Variants in ABCC5 observed in about 807,000 individuals in gnomAD.
ABCC5 encodes the protein ATP-binding cassette sub-family C member 5.
Under a neutral mutation model 160.9 loss-of-function variants are expected in ABCC5, and 61 were observed. The observed-to-expected ratio is 0.38, with a 90% confidence interval of 0.31 to 0.47. The LOEUF is 0.47. Among genes scored for constraint, ABCC5 ranks in the 20% least tolerant of loss-of-function variants. The pLI is 0.99. For synonymous variants in ABCC5, 666 were observed against 700.6 expected, an observed-to-expected ratio of 0.95 and a Z score of 0.78; for missense variants, 1,308 against 1,813.3, an observed-to-expected ratio of 0.72 and a Z score of 5.06.
chr3:183,980,770 T>C (rs1718655374), intron 8 of ABCC5, among the ~76,000 whole-genome samples: 1 of 151,326 alleles, frequency 6.6e-6, no homozygotes, highest in African/African-American at 2.4e-5. Context: ...TGGAGTGTAA[T>C]GGTGTGATCT....
At chr3:183,992,654 T>C (rs1719874193) in intron 2 of ABCC5, among the ~76,000 whole-genome samples, 1 of 152,008 alleles carries the variant, frequency 6.6e-6, no homozygotes, top group South Asian at 2.1e-4. Flanking sequence ...CTGGGCGCCA[T>C]GGCAGGCACC....
intron 28 of ABCC5, among the ~76,000 whole-genome samples, chr3:183,926,826 C>T (rs368199380): frequency 3.3e-5 from 5 of 152,208 alleles, no homozygotes; most frequent in Admixed American, 6.5e-5. Flanking sequence ...GCGGGCAGAT[C>T]ACGAGGTCAA....
intron 9 of ABCC5, among the ~76,000 whole-genome samples, chr3:183,978,049 G>T (rs894565640): frequency 2.6e-5 from 4 of 152,112 alleles, no homozygotes; most frequent in African/African-American, 9.7e-5. Context: ...CACCATGCCT[G>T]GCCACATTTT....
chr3:183,957,137 C>T (rs1393639229), intron 17 of ABCC5, among the ~76,000 whole-genome samples: 1 of 99,996 alleles, frequency 1.0e-5, no homozygotes, highest in African/African-American at 3.6e-5. Flanking sequence ...CGGTTACATG[C>T]GGGTCCGTGT....
chr3:183,984,565 G>A, intron 5 of ABCC5: 1 of 1,322,208 alleles, frequency 7.6e-7, no homozygotes, highest in Non-Finnish European at 9.7e-7. Flanking sequence ...GGTCCTAGGA[G>A]ATCCCCACCA....
intron 2 of ABCC5, among the ~76,000 whole-genome samples, chr3:183,998,506 G>A (rs948461605): frequency 6.6e-6 from 1 of 152,060 alleles, no homozygotes; most frequent in African/African-American, 2.4e-5. Flanking sequence ...TGTTTTAAAT[G>A]GTTTACAGAT....
At chr3:183,970,387 CA>C (rs1032654531) in intron 11 of ABCC5, among the ~76,000 whole-genome samples, 47 of 152,088 alleles carry the variant, frequency 3.1e-4, no homozygotes, top group South Asian at 1.2e-3. Context: ...GCAGCCTATT[CA>C]AGTTGTAACC....
intron 15 of ABCC5, among the ~76,000 whole-genome samples, chr3:183,962,843 T>C (rs1015502484): frequency 6.6e-6 from 1 of 152,154 alleles, no homozygotes; most frequent in African/African-American, 2.4e-5. Flanking sequence ...GTTTTTCACA[T>C]GAATCTGCTG....
At position 183,977,585 on chromosome 3, in the gene ABCC5, C is replaced by T. The variant is rs780716844; in HGVS notation, c.1336G>A (p.Ala446Thr). The T allele has an allele frequency of 6.2e-7, 1 of 1,613,992 alleles. No individual in the cohort carries two copies. The highest frequency in any genetic ancestry group is 1.7e-5 in the Admixed American group (1 of 60,008). ...VVTVFNSMTF[A>T]LKVTPFSVKS... is the part of the protein sequence containing the mutation. ...ACTGAAAACGGTGTTACTTTCAAAG[C>T]AAAAGTCATGGAATTGAAGACTGTC... is the stretch of plus-strand genomic sequence containing the variant. Residue 446 changes from alanine (A) to threonine (T), a missense_variant, in exon 10 of 30, where the codon GCT becomes ACT. By Grantham distance (58) the Ala-to-Thr change is moderately conservative. This residue lies in a region of ABCC5 where 1,142 missense variants were observed against 1,527.1 expected (regional missense o/e 0.75). Transcript: ENST00000334444.
chr3:183,967,098 C>A (rs1390777718), intron 12 of ABCC5, among the ~76,000 whole-genome samples: 1 of 151,684 alleles, frequency 6.6e-6, no homozygotes, highest in Non-Finnish European at 1.5e-5. Flanking sequence ...TCCTGTCCCT[C>A]ACTCTCAGCA....
chr3:183,923,242 G>A lies in ABCC5; in HGVS notation c.4213-1841C>T, dbSNP rs1024027714. ...AAAAAATTAAGGGAAGAGAAGGATAGAGTCCCTCATAAAGAGTGAATGGGC... is the reference window on the plus strand; with the variant it reads ...AAAAAATTAAGGGAAGAGAAGGATAAAGTCCCTCATAAAGAGTGAATGGGC... On this transcript the variant is annotated intron_variant, in intron 29 of 29. Transcript: ENST00000334444. 2.0e-5 allele frequency among the ~76,000 whole-genome samples: 3 copies of A among 151,816 alleles called. No homozygotes were observed. The East Asian group carries it at 5.8e-4, about 29-fold the overall frequency.
chr3:183,995,441 T>C (rs1036647716), intron 2 of ABCC5, among the ~76,000 whole-genome samples: 2 of 152,230 alleles, frequency 1.3e-5, no homozygotes, highest in African/African-American at 4.8e-5. Context: ...AAATCTATGG[T>C]TCATTTTGAG....
chr3:183,959,637 C>T lies in ABCC5; in HGVS notation c.2482+96G>A, dbSNP rs188007734. 6 of 934,090 alleles carry T rather than the reference C, an allele frequency of 6.4e-6. No individual in the cohort carries two copies. In the African/African-American group the frequency reaches 8.3e-5, roughly 13 times the overall value. 57.9% of individuals were successfully genotyped at this position (934,090 alleles called of 1,614,324 possible). The stretch of plus-strand genomic sequence containing the variant: ...TGTAAGACCAAGTATTTATATTGTA[C>T]ACACACTGCTATCAAACATCATGAA... On this transcript the variant is annotated intron_variant, in intron 17 of 29. Transcript: ENST00000334444.
rs1711921053 is a variant in ABCC5 at position 183,921,068 on chromosome 3, T to C, written c.*232A>G. ...TATAATAACGGTTCCCTGAACCTTTTAGAGTGCAATTAAGAACAAAAACTA... is the reference window on the plus strand; with the variant it reads ...TATAATAACGGTTCCCTGAACCTTTCAGAGTGCAATTAAGAACAAAAACTA... On this transcript the variant is annotated 3_prime_UTR_variant, in exon 30 of 30. Coordinates refer to ENST00000334444, the MANE Select transcript of ABCC5 (RefSeq NM_005688.4). This position sits in a 1 kb window ranked among gnomAD's most constrained non-coding sequence, Gnocchi z 4.1. The C allele has an allele frequency of 2.6e-6, 1 of 388,786 alleles. No individual in the cohort carries two copies. The highest frequency in any genetic ancestry group is 4.3e-5 in the East Asian group (1 of 23,388). The allele number at this position is 388,786 out of a possible 1,614,324, so 24.1% of individuals were successfully genotyped here.
chr3:183,935,498 T>G (rs1430099606), intron 26 of ABCC5, among the ~76,000 whole-genome samples: 1 of 149,824 alleles, frequency 6.7e-6, no homozygotes, highest in Non-Finnish European at 1.5e-5. Flanking sequence ...GGCTTTCATC[T>G]TCAATAAATT....
At chr3:183,956,664 G>C (rs536011189) in intron 17 of ABCC5, among the ~76,000 whole-genome samples, 223 of 131,370 alleles carry the variant, frequency 1.7e-3, no homozygotes, top group African/African-American at 6.3e-3. Flanking sequence ...ATGCAGATCC[G>C]TGTGTATATC....
intron 26 of ABCC5, 87 bp from the exon 27 acceptor site, chr3:183,928,912 T>C: frequency 2.8e-6 from 3 of 1,080,778 alleles, no homozygotes; most frequent in South Asian, 1.3e-5. Context: ...TTAACACACA[T>C]GCATAGGGAG....
rs1719457487 is a variant in ABCC5, at chr3:183,988,754, A to T, written c.288-27T>A. ...TAAGGAGAGAAAACCGAAATCACAA[A>T]GCTATCAACACGCACGGAGAGGGCA... On this transcript the variant is annotated intron_variant, in intron 3 of 29. Coordinates refer to ENST00000334444, the MANE Select transcript of ABCC5 (RefSeq NM_005688.4). This position sits in a 1 kb window ranked among gnomAD's most constrained non-coding sequence, Gnocchi z 4.4. 6.2e-7 allele frequency: 1 copy of T among 1,609,328 alleles called. No homozygotes were observed. Among genetic ancestry groups the T allele is most frequent in the African/African-American group, 1.3e-5 (1 of 74,624 alleles).
chr3:184,006,261 G>A (rs983335136), intron 2 of ABCC5: 3 of 144,702 alleles, frequency 2.1e-5, no homozygotes, highest in African/African-American at 7.8e-5. Context: ...AGAGACTACT[G>A]TGCCTCATAA....
Sources: gnomAD v4.1 joint callset for allele counts (sites outside exome capture counted in the v4.1 genomes callset) on GRCh38, gnomAD v4.1.1 for gene constraint, gnomAD v4.1.1 regional missense constraint, Gnocchi (gnomAD v3.1) non-coding constraint, MANE v1.5 for transcripts, NCBI Gene and HGNC (gene_info 2026-07-23, HGNC 2026-07-21) for gene names.